Variants in TRMT1 observed in about 807,000 individuals in gnomAD.
TRMT1 encodes the protein tRNA (guanine(26)-N(2))-dimethyltransferase.
Under a neutral mutation model 75.4 loss-of-function variants are expected in TRMT1, and 63 were observed. That is an observed-to-expected ratio of 0.84 (90% confidence interval 0.68 to 1.03). The LOEUF (loss-of-function observed/expected upper bound fraction) is 1.03, where lower values mean the gene tolerates loss of function less well. Among genes scored for constraint, TRMT1 ranks in the 50% least tolerant of loss-of-function variants. The pLI, the probability that TRMT1 is intolerant of heterozygous loss-of-function variation, is 0.00. For synonymous variants in TRMT1, 382 were observed against 358.1 expected (o/e 1.07, Z -0.75); for missense variants, 870 against 905.3 (o/e 0.96, Z 0.50).
chr19:13,114,386 G>C (rs764142380), intron 5 of TRMT1, among the ~76,000 whole-genome samples: 8 of 152,204 alleles, frequency 5.3e-5, no homozygotes, highest in Non-Finnish European at 8.8e-5. Context: ...GCCTGGCATA[G>C]CCAGGTGCAG....
In TRMT1 at chr19:13,105,294, C is replaced by T. The variant is rs776059493; in HGVS notation, c.1806G>A (p.Lys602=). Residue 602 remains lysine, a synonymous_variant, in exon 16 of 17, where the codon AAG becomes AAA. Coordinates refer to ENST00000357720, the MANE Select transcript of TRMT1 (RefSeq NM_001136035.4). ...EDVAQRAARL[K]TFPCKRFKEG... ...CCTTAAACCTCTTGCAAGGAAATGT[C>T]TTGAGCCGGGCAGCCCGCTGGGCCA... 1.2e-6 allele frequency: 2 copies of T among 1,613,966 alleles called. No homozygotes were observed. The highest frequency in any genetic ancestry group is 8.5e-7 in the Non-Finnish European group (1 of 1,179,980).
rs1311413569 is a variant in TRMT1 at position 13,105,302 on chromosome 19, G to A, written c.1798C>T (p.Arg600Trp). ...CTCTTGCAAGGAAATGTCTTGAGCC[G>A]GGCAGCCCGCTGGGCCACATCTTCC... ...PPEDVAQRAA[R>W]LKTFPCKRFK... Residue 600 changes from arginine (R) to tryptophan (W), a missense_variant, in exon 16 of 17, where the codon CGG becomes TGG. By Grantham distance (101) the Arg-to-Trp change is moderately radical. Transcript: ENST00000357720. 3 of 1,613,988 alleles carry A rather than the reference G, an allele frequency of 1.9e-6. No individual in the cohort carries two copies. The highest frequency in any genetic ancestry group is 2.2e-5 in the East Asian group (1 of 44,886).
chr19:13,109,894 T>A, intron 9 of TRMT1, 21 bp downstream of exon 9: 1 of 1,614,058 alleles, frequency 6.2e-7, no homozygotes, highest in South Asian at 1.1e-5. Context: ...ACTCCCCTTC[T>A]TCTCCTTCCT....
intron 3 of TRMT1, 107 bp downstream of exon 3, chr19:13,115,890 G>A (rs778250348): frequency 1.9e-6 from 3 of 1,604,030 alleles, no homozygotes; most frequent in African/African-American, 1.3e-5. Context: ...AGAACCCAGG[G>A]CCTGCTATGT....
chr19:13,106,212 G>A (rs1265493375), intron 14 of TRMT1, among the ~76,000 whole-genome samples: 1 of 152,030 alleles, frequency 6.6e-6, no homozygotes, highest in Non-Finnish European at 1.5e-5. Flanking sequence ...GGGACGACAG[G>A]CAGGTACCAC....
intron 12 of TRMT1, among the ~76,000 whole-genome samples, chr19:13,109,085 G>GGTGTGTGT (rs57825932): frequency 3.4e-5 from 5 of 147,360 alleles, no homozygotes; most frequent in Admixed American, 1.4e-4. Flanking sequence ...CAGGCTAATG[G>GGTGTGTGT]GTGTGTGTGT....
At chr19:13,108,591 CCTTTTT>C (rs1335027373) in intron 12 of TRMT1, among the ~76,000 whole-genome samples, 1 of 151,832 alleles carries the variant, frequency 6.6e-6, no homozygotes. Context: ...CCACACCTGG[CCTTTTT>C]CTTTTTCTAA....
At position 13,109,616 on chromosome 19, in the gene TRMT1, C is replaced by G. The variant is rs147474165; in HGVS notation, c.1245G>C (p.Val415=). The G allele has an allele frequency of 3.5e-5, 57 of 1,613,868 alleles. No individual in the cohort carries two copies. Among genetic ancestry groups the G allele is most frequent in the Non-Finnish European group, 4.5e-5 (53 of 1,180,012 alleles). ...LDFVGRVLEA[V]SANPGRFHTS... is the part of the protein sequence containing the mutation. ...TGTGGAAGCGGCCGGGGTTAGCGCT[C>G]ACAGCCTCCAGGACACGGCCCACAA... The change falls in exon 11 of 17, where the codon GTG becomes GTC. Residue 415 remains valine, a synonymous_variant. Coordinates refer to ENST00000357720, the MANE Select transcript of TRMT1 (RefSeq NM_001136035.4).
Position 13,105,307 on chromosome 19 carries a change from G to C in TRMT1, c.1793C>G (p.Ala598Gly), listed in dbSNP as rs966511162. The C allele has an allele frequency of 6.2e-7, 1 of 1,613,956 alleles. No individual in the cohort carries two copies. The highest frequency in any genetic ancestry group is 8.5e-7 in the Non-Finnish European group (1 of 1,180,040). The change falls in exon 16 of 17, where the codon GCT becomes GGT. Residue 598 changes from alanine (A) to glycine (G), a missense_variant. Physicochemically the swap from Ala to Gly is moderately conservative, Grantham distance 60. Coordinates refer to ENST00000357720, the MANE Select transcript of TRMT1 (RefSeq NM_001136035.4). ...KEPPEDVAQR[A>G]ARLKTFPCKR... ...GCAAGGAAATGTCTTGAGCCGGGCA[G>C]CCCGCTGGGCCACATCTTCCGGCGG...
rs770826947 is a variant in TRMT1, at chr19:13,110,241, C to T, written c.936G>A (p.Pro312=). The T allele has an allele frequency of 8.7e-6, 14 of 1,612,982 alleles. No individual in the cohort carries two copies. Among genetic ancestry groups the T allele is most frequent in the Admixed American group, 3.3e-5 (2 of 59,994 alleles). Residue 312 remains proline (P), a synonymous_variant, in exon 8 of 17, where the codon CCG becomes CCA. Coordinates refer to ENST00000357720, the MANE Select transcript of TRMT1 (RefSeq NM_001136035.4). The stretch of plus-strand genomic sequence containing the variant: ...AGAAGTCAGCGCTGATGCTGAGCAG[C>T]GGCACCACGAAGCGCTGGTAGCAGT... ...RANCYQRFVV[P]LLSISADFYV...
chr19:13,110,999 ACT>A (rs1156538228), intron 7 of TRMT1, among the ~76,000 whole-genome samples: 1 of 151,998 alleles, frequency 6.6e-6, no homozygotes, highest in Admixed American at 6.6e-5. Context: ...CTAGTGTGAG[ACT>A]CTGATATGGG....
At position 13,116,677 on chromosome 19, in the gene TRMT1, G is replaced by A; in HGVS notation, c.-57C>T. Reference sequence around the variant, plus strand: ...CCTGCTCTCGTAGCCACAGAAAACCGAATTAGTCAAGGTGCACGTTTCCCG... The same window carrying A: ...CCTGCTCTCGTAGCCACAGAAAACCAAATTAGTCAAGGTGCACGTTTCCCG... On this transcript the variant is annotated 5_prime_UTR_variant, in exon 1 of 17. Transcript: ENST00000357720. 1 of 477,568 alleles carries A rather than the reference G, an allele frequency of 2.1e-6. No individual in the cohort carries two copies. The highest frequency in any genetic ancestry group is 3.7e-6 in the Non-Finnish European group (1 of 268,096). The allele number at this position is 477,568 out of a possible 1,614,324, so 29.6% of individuals were successfully genotyped here.
intron 5 of TRMT1, among the ~76,000 whole-genome samples, chr19:13,113,724 C>A (rs1255974726): frequency 2.0e-5 from 3 of 152,030 alleles, no homozygotes; most frequent in African/African-American, 2.4e-5. Flanking sequence ...ATTCTCCTGC[C>A]TCAGCTTCCC....
chr19:13,111,678 G>A (rs975783134), intron 7 of TRMT1, among the ~76,000 whole-genome samples: 3 of 150,484 alleles, frequency 2.0e-5, no homozygotes, highest in South Asian at 2.1e-4. Flanking sequence ...GATTACAGGC[G>A]TGAGCCACCG....
chr19:13,114,235 G>T (rs940057319), intron 5 of TRMT1, among the ~76,000 whole-genome samples: 1 of 152,124 alleles, frequency 6.6e-6, no homozygotes, highest in South Asian at 2.1e-4. Flanking sequence ...TGATAAACTA[G>T]GCTAGGCCGG....
intron 9 of TRMT1, 23 bp downstream of exon 9, chr19:13,109,892 T>G (rs1348549944): frequency 4.3e-6 from 7 of 1,613,882 alleles, no homozygotes; most frequent in Non-Finnish European, 5.9e-6. Context: ...GGACTCCCCT[T>G]CTTCTCCTTC....
At chr19:13,109,108 G>A (rs1307064181) in intron 12 of TRMT1, among the ~76,000 whole-genome samples, 3 of 149,718 alleles carry the variant, frequency 2.0e-5, no homozygotes, top group African/African-American at 5.1e-5. Context: ...GTGTGTGTGT[G>A]TATACATACG....
At chr19:13,116,514 T>C in intron 1 of TRMT1, 83 bp from the exon 2 acceptor site, 1 of 1,400,320 alleles carries the variant, frequency 7.1e-7, no homozygotes, top group African/African-American at 1.4e-5. Flanking sequence ...ATCTATGAGG[T>C]AGGGACTAGG....
In TRMT1 at chr19:13,112,716, A is replaced by AGGCCCGGCTCTTGAGGGCCAT; in HGVS notation, c.838_858dup (p.Met280_Ala286dup). ...AGAGGGCCCCTCACCATCTCGTGGC[A>AGGCCCGGCTCTTGAGGGCCAT]GGCCCGGCTCTTGAGGGCCATGGCC... On this transcript the variant is annotated inframe_insertion, in exon 7 of 17. Transcript: ENST00000357720. 6.2e-7 allele frequency: 1 copy of AGGCCCGGCTCTTGAGGGCCAT among 1,612,066 alleles called. No homozygotes were observed.
Sources: gnomAD v4.1 joint callset for allele counts (sites outside exome capture counted in the v4.1 genomes callset) on GRCh38, gnomAD v4.1.1 for gene constraint, MANE v1.5 for transcripts, NCBI Gene and HGNC (gene_info 2026-07-23, HGNC 2026-07-21) for gene names.